RNF138: variants seen among roughly 807,000 people sequenced by gnomAD.
RNF138 encodes the protein E3 ubiquitin-protein ligase RNF138.
In RNF138, 12 loss-of-function variants were observed where a neutral mutation model predicts 31.0. The observed-to-expected ratio is 0.39, with a 90% CI of 0.25 to 0.63. The LOEUF is 0.63. Among genes scored for constraint, RNF138 ranks in the 20% least tolerant of loss-of-function variants. The pLI is 0.52. For missense variants in RNF138, 192 were observed against 300.1 expected, an observed-to-expected ratio of 0.64 and a Z score of 2.66; for synonymous variants, 105 against 99.5, an observed-to-expected ratio of 1.06 and a Z score of -0.33.
Position 32,100,723 on chromosome 18 carries a change from A to G in RNF138, c.110+7837A>G, listed in dbSNP as rs961264010. On this transcript the variant is annotated intron_variant, in intron 2 of 7. Transcript: ENST00000261593. ...ACTCCCAACCTCAGGTGATCCACCCACCTCGGCCTACCAAAGTGTTGGGAT... is the reference window on the plus strand; with the variant it reads ...ACTCCCAACCTCAGGTGATCCACCCGCCTCGGCCTACCAAAGTGTTGGGAT... Among the ~76,000 whole-genome samples the G allele has an allele frequency of 2.6e-5, 4 of 151,942 alleles. No individual in the cohort carries two copies. In the South Asian group the frequency reaches 8.3e-4, roughly 32 times the overall value.
chr18:32,124,500 C>A, intron 5 of RNF138: 1 of 418,040 alleles, frequency 2.4e-6, no homozygotes, highest in Non-Finnish European at 4.3e-6. Context: ...TTTGTTTTGG[C>A]CTAGAGGTGC....
At chr18:32,094,346 C>CT (rs1294519222) in intron 2 of RNF138, among the ~76,000 whole-genome samples, 1 of 152,026 alleles carries the variant, frequency 6.6e-6, no homozygotes, top group Non-Finnish European at 1.5e-5. Flanking sequence ...ACTGCACTGT[C>CT]TACTTTATTT....
At chr18:32,097,742 C>T (rs555045380) in intron 2 of RNF138, among the ~76,000 whole-genome samples, 19 of 151,628 alleles carry the variant, frequency 1.3e-4, no homozygotes, top group Middle Eastern at 6.9e-3. Context: ...AGGCTGGTCT[C>T]GAACCCCTGC....
intron 2 of RNF138, among the ~76,000 whole-genome samples, chr18:32,096,165 A>G (rs2039800944): frequency 6.6e-6 from 1 of 152,252 alleles, no homozygotes; most frequent in Non-Finnish European, 1.5e-5. Flanking sequence ...TAATTAGATA[A>G]CCTAATGAAT....
chr18:32,099,504 G>A (rs2039879568), intron 2 of RNF138, among the ~76,000 whole-genome samples: 1 of 152,150 alleles, frequency 6.6e-6, no homozygotes, highest in Non-Finnish European at 1.5e-5. Flanking sequence ...TTGGGTTCAA[G>A]AGATTCTCCT....
intron 4 of RNF138, among the ~76,000 whole-genome samples, chr18:32,115,282 A>G (rs2040196326): frequency 6.6e-6 from 1 of 152,250 alleles, no homozygotes; most frequent in African/African-American, 2.4e-5. Context: ...TAGACACTTG[A>G]TTCCTAATAG....
intron 3 of RNF138, among the ~76,000 whole-genome samples, chr18:32,113,349 C>T (rs2040164574): frequency 7.4e-6 from 1 of 135,694 alleles, no homozygotes; most frequent in South Asian, 2.4e-4. Context: ...CGAGCCACTG[C>T]ACCCAGCCAG....
intron 2 of RNF138, among the ~76,000 whole-genome samples, chr18:32,107,003 C>T (rs2040040637): frequency 6.6e-6 from 1 of 152,074 alleles, no homozygotes; most frequent in South Asian, 2.1e-4. Context: ...CTCACTTTCT[C>T]CTTTTGTTTC....
At position 32,130,602 on chromosome 18, in the gene RNF138, TAATA is replaced by T. The variant is rs1467721855; in HGVS notation, c.*1416_*1419del. On this transcript the variant is annotated 3_prime_UTR_variant, in exon 8 of 8. Transcript: ENST00000261593. ...GAGAATCTCAGAAGTAGTTTGCTGC[TAATA>T]TATACATATATTGTATAAAAAGGTA... 3.3e-5 allele frequency: 5 copies of T among 152,494 alleles called. No individual in the cohort carries two copies. The highest frequency in any genetic ancestry group is 1.2e-4 in the African/African-American group (5 of 41,456). 9.4% of individuals were successfully genotyped at this position (152,494 alleles called of 1,614,324 possible). A position where few individuals can be genotyped will look rare whatever the true frequency, so the allele number is the denominator to read the frequency against.
intron 2 of RNF138, 71 bp from the exon 3 acceptor site, chr18:32,111,683 G>A: frequency 1.7e-6 from 2 of 1,194,304 alleles, no homozygotes; most frequent in African/African-American, 1.6e-5. Context: ...ATAATCACTT[G>A]TTTGTATTTA....
chr18:32,106,184 T>G (rs562711245), intron 2 of RNF138, among the ~76,000 whole-genome samples: 1 of 152,342 alleles, frequency 6.6e-6, no homozygotes, highest in African/African-American at 2.4e-5. Context: ...TATTTTTATT[T>G]GGATTGTTTG....
chr18:32,128,652 T>C (rs996880092), intron 7 of RNF138, among the ~76,000 whole-genome samples: 6 of 152,270 alleles, frequency 3.9e-5, no homozygotes, highest in African/African-American at 1.4e-4. Flanking sequence ...TTGTGTGTTA[T>C]GATTAACTTC....
chr18:32,107,661 C>T (rs1405450241), intron 2 of RNF138, among the ~76,000 whole-genome samples: 1 of 151,918 alleles, frequency 6.6e-6, no homozygotes, highest in Non-Finnish European at 1.5e-5. Context: ...GCTAGGATTA[C>T]AGGCGTGTGC....
chr18:32,116,613 G>A (rs546944956), intron 4 of RNF138, among the ~76,000 whole-genome samples: 9 of 151,506 alleles, frequency 5.9e-5, no homozygotes, highest in East Asian at 2.0e-4. Flanking sequence ...GTGCAATGGC[G>A]TGAACATGGC....
At chr18:32,093,610 C>G (rs2039750234) in intron 2 of RNF138, among the ~76,000 whole-genome samples, 1 of 152,104 alleles carries the variant, frequency 6.6e-6, no homozygotes, top group South Asian at 2.1e-4. Context: ...TTGATTAATA[C>G]AAGGGTGGAG....
chr18:32,100,468 CT>C (rs754111567), intron 2 of RNF138, among the ~76,000 whole-genome samples: 49 of 69,882 alleles, frequency 7.0e-4, no homozygotes, highest in South Asian at 3.2e-3. Context: ...ACCCAACTAA[CT>C]TTTTTTTTTT....
chr18:32,119,178 A>G (rs1401565293), intron 4 of RNF138, among the ~76,000 whole-genome samples: 1 of 152,148 alleles, frequency 6.6e-6, no homozygotes, highest in Non-Finnish European at 1.5e-5. Context: ...CTTCTGTTCT[A>G]CACATCTCTG....
chr18:32,116,772 T>TG (rs1277012143), intron 4 of RNF138, among the ~76,000 whole-genome samples: 2 of 152,090 alleles, frequency 1.3e-5, no homozygotes, highest in Non-Finnish European at 2.9e-5. Context: ...CACATTGAGA[T>TG]GGGGTCCTCA....
intron 1 of RNF138, 197 bp from the exon 2 acceptor site, chr18:32,092,503 T>C: frequency 2.3e-6 from 1 of 434,884 alleles, no homozygotes; most frequent in South Asian, 2.5e-5. Flanking sequence ...CACGGCATGC[T>C]GCGAGCCCAG....
Sources: allele counts gnomAD v4.1 joint callset (sites outside exome capture counted in the v4.1 genomes callset), GRCh38; gene constraint gnomAD v4.1.1; transcripts MANE v1.5; gene names NCBI Gene and HGNC (gene_info 2026-07-23, HGNC 2026-07-21).